MYO16: variants seen among roughly 807,000 people sequenced by gnomAD.
The protein encoded by MYO16 is myosin XVI.
Under a neutral mutation model 205.3 loss-of-function variants are expected in MYO16, and 94 were observed. The ratio of observed to expected loss-of-function variants is 0.46; its 90% confidence interval spans 0.39 to 0.54. MYO16 has a LOEUF of 0.54. Ranked by LOEUF, MYO16 falls within the 20% of genes least tolerant of loss-of-function variation. The pLI, the probability that MYO16 is intolerant of heterozygous loss-of-function variation, is 0.00. For missense variants in MYO16, 2,315 were observed against 2,387.5 expected (o/e 0.97, Z 0.63); for synonymous variants, 988 against 954.0 (o/e 1.04, Z -0.66).
intron 34 of MYO16, among the ~76,000 whole-genome samples, chr13:109,196,731 T>A (rs558380848): frequency 6.6e-6 from 1 of 152,292 alleles, no homozygotes; most frequent in South Asian, 2.1e-4. Context: ...GATCCCTTTG[T>A]CAATTTCTTT....
At chr13:108,874,619 G>C (rs1257937306) in intron 12 of MYO16, among the ~76,000 whole-genome samples, 1 of 151,772 alleles carries the variant, frequency 6.6e-6, no homozygotes, top group East Asian at 1.9e-4. Context: ...AGGTCATGCA[G>C]CTCCAGAGCG....
intron 16 of MYO16, among the ~76,000 whole-genome samples, chr13:108,914,116 T>C (rs919296939): frequency 4.0e-5 from 6 of 149,828 alleles, no homozygotes; most frequent in African/African-American, 1.5e-4. Context: ...TTAGTGTATT[T>C]ACTATTGTTA....
At chr13:108,916,018 TA>T (rs1434750136) in intron 16 of MYO16, among the ~76,000 whole-genome samples, 2 of 152,142 alleles carry the variant, frequency 1.3e-5, no homozygotes, top group East Asian at 3.9e-4. Flanking sequence ...GAGTGTCACA[TA>T]ATGTTTAAAA....
At chr13:108,754,908 A>T (rs1885371551) in intron 4 of MYO16, among the ~76,000 whole-genome samples, 1 of 152,210 alleles carries the variant, frequency 6.6e-6, no homozygotes, top group Non-Finnish European at 1.5e-5. Flanking sequence ...TGTTAGGAAA[A>T]CACAGCAGGA....
chr13:108,682,835 G>A (rs897956689), intron 2 of MYO16, among the ~76,000 whole-genome samples: 4 of 152,122 alleles, frequency 2.6e-5, no homozygotes, highest in Admixed American at 1.3e-4. Context: ...GAGTCCCCTG[G>A]TTAGGACTGA....
rs147942658 is a variant in MYO16 at position 108,640,151 on chromosome 13, G to C, written c.28+10279G>C. On this transcript the variant is annotated intron_variant, in intron 1 of 34. Coordinates refer to ENST00000457511, the MANE Select transcript of MYO16 (RefSeq NM_001198950.3). ...AGGTGACAAGGAAACAGATGGCTCA[G>C]GTCAGAAATTTTAGAAGGGCAGATA... Among the ~76,000 whole-genome samples the C allele has an allele frequency of 7.1e-3, 1,083 of 152,290 alleles. 17 individuals carry two copies. Among genetic ancestry groups the C allele is most frequent in the African/African-American group, 0.025 (1,029 of 41,566 alleles).
intron 31 of MYO16, among the ~76,000 whole-genome samples, chr13:109,135,946 C>T (rs1240440619): frequency 6.6e-6 from 1 of 152,106 alleles, no homozygotes; most frequent in Non-Finnish European, 1.5e-5. Context: ...TTTCTGTGTA[C>T]TTCATGAAGG....
chr13:108,823,458 C>T (rs1344124428), intron 9 of MYO16, among the ~76,000 whole-genome samples, 180 bp downstream of exon 9: 4 of 152,040 alleles, frequency 2.6e-5, no homozygotes, highest in Non-Finnish European at 5.9e-5. Context: ...TTTATAAAAA[C>T]CCTCTGATTT....
At chr13:108,651,269 A>C (rs998059703) in intron 1 of MYO16, among the ~76,000 whole-genome samples, 5 of 152,050 alleles carry the variant, frequency 3.3e-5, no homozygotes, top group Non-Finnish European at 5.9e-5. Context: ...GGCATAGTAC[A>C]CTCTGTCAGC....
At position 108,652,244 on chromosome 13, in the gene MYO16, C is replaced by T. The variant is rs543251230; in HGVS notation, c.29-13642C>T. On this transcript the variant is annotated intron_variant, in intron 1 of 34. Coordinates refer to ENST00000457511, the MANE Select transcript of MYO16 (RefSeq NM_001198950.3). ...TGTAAGCATGCTAATTCCTGAACAA[C>T]TATCTTTTGGCCTCTCAGAATTCCT... is the stretch of plus-strand genomic sequence containing the variant. 2.2e-4 allele frequency among the ~76,000 whole-genome samples: 33 copies of T among 152,268 alleles called. No individual in the cohort carries two copies. In the South Asian group the frequency reaches 6.8e-3, roughly 32 times the overall value.
At chr13:109,188,251 G>A (rs566213363) in intron 34 of MYO16, among the ~76,000 whole-genome samples, 3 of 152,064 alleles carry the variant, frequency 2.0e-5, no homozygotes, top group South Asian at 2.1e-4. Flanking sequence ...CACACAACCC[G>A]TGCCTTTAAG....
At chr13:108,842,463 C>T (rs1049125556) in intron 9 of MYO16, among the ~76,000 whole-genome samples, 1 of 151,934 alleles carries the variant, frequency 6.6e-6, no homozygotes, top group Non-Finnish European at 1.5e-5. Flanking sequence ...CCTGAACAGA[C>T]ATTTTTCCAA....
At chr13:109,196,272 A>T (rs191698742) in intron 34 of MYO16, among the ~76,000 whole-genome samples, 1 of 152,294 alleles carries the variant, frequency 6.6e-6, no homozygotes, top group Non-Finnish European at 1.5e-5. Context: ...ACAGAATAAA[A>T]TCATTTTTTA....
chr13:109,071,423 TA>T (rs1887923405), intron 27 of MYO16, among the ~76,000 whole-genome samples: 1 of 152,094 alleles, frequency 6.6e-6, no homozygotes, highest in Non-Finnish European at 1.5e-5. Flanking sequence ...ATGAGGAAAA[TA>T]CTTTAATAGG....
intron 1 of MYO16, among the ~76,000 whole-genome samples, chr13:108,600,809 G>T (rs1336693581): frequency 6.6e-6 from 1 of 152,138 alleles, no homozygotes; most frequent in African/African-American, 2.4e-5. Context: ...ACCTGTTAGT[G>T]ATAACGGTCT....
chr13:108,840,045 A>G (rs948290474), intron 9 of MYO16, among the ~76,000 whole-genome samples: 1 of 152,198 alleles, frequency 6.6e-6, no homozygotes, highest in African/African-American at 2.4e-5. Flanking sequence ...GGTTTTGCAG[A>G]ATGGCTACAT....
chr13:108,921,056 C>A (rs1271228381), intron 16 of MYO16, among the ~76,000 whole-genome samples: 1 of 152,210 alleles, frequency 6.6e-6, no homozygotes, highest in African/African-American at 2.4e-5. Flanking sequence ...CAAAACCTGC[C>A]CATGTGGCTG....
intron 23 of MYO16, among the ~76,000 whole-genome samples, chr13:109,025,546 G>A (rs532651586): frequency 2.9e-4 from 44 of 152,128 alleles, no homozygotes; most frequent in African/African-American, 8.0e-4. Context: ...GGGTTTTTTG[G>A]CTAGATATTT....
At chr13:108,703,296 C>A (rs1404034127) in intron 2 of MYO16, among the ~76,000 whole-genome samples, 1 of 151,996 alleles carries the variant, frequency 6.6e-6, no homozygotes, top group Non-Finnish European at 1.5e-5. Flanking sequence ...GGTAACTCAA[C>A]TTTAATGTAA....
Sources: gnomAD v4.1 joint callset for allele counts (sites outside exome capture counted in the v4.1 genomes callset) on GRCh38, gnomAD v4.1.1 for gene constraint, MANE v1.5 for transcripts, NCBI Gene and HGNC (gene_info 2026-07-23, HGNC 2026-07-21) for gene names.